Variants in GRM7 observed in about 807,000 individuals in gnomAD.
The protein encoded by GRM7 is metabotropic glutamate receptor 7.
GRM7 carries 35 observed loss-of-function variants against 84.5 expected under a neutral mutation model. That is an observed-to-expected ratio of 0.41 (90% CI 0.32 to 0.55). The LOEUF (loss-of-function observed/expected upper bound fraction) is 0.55, where lower values mean the gene tolerates loss of function less well. Ranked by LOEUF, GRM7 falls within the 20% of genes least tolerant of loss-of-function variation. The probability of loss-of-function intolerance (pLI) is 0.19; values close to 1 mark genes in which losing one functional copy is unlikely to be tolerated. For missense variants in GRM7, 1,003 were observed against 1,194.6 expected (o/e 0.84, Z 2.36); for synonymous variants, 487 against 455.1 (o/e 1.07, Z -0.89).
chr3:7,186,976 T>TG (rs1695537701), intron 2 of GRM7, among the ~76,000 whole-genome samples: 2 of 152,234 alleles, frequency 1.3e-5, no homozygotes, highest in African/African-American at 4.8e-5. Context: ...CTCAGCTGTT[T>TG]GGGAGGCTGA....
At chr3:7,141,977 T>G (rs1264812296) in intron 1 of GRM7, among the ~76,000 whole-genome samples, 1 of 151,770 alleles carries the variant, frequency 6.6e-6, no homozygotes, top group African/African-American at 2.4e-5. Flanking sequence ...TTTTGTTACT[T>G]TGAGGTAGAG....
At chr3:7,568,228 A>G (rs1694418825) in intron 7 of GRM7, among the ~76,000 whole-genome samples, 1 of 151,748 alleles carries the variant, frequency 6.6e-6, no homozygotes, top group South Asian at 2.1e-4. Context: ...TACTCTCAAT[A>G]GTGCATCACA....
chr3:6,888,716 C>T (rs1695807043), intron 1 of GRM7, among the ~76,000 whole-genome samples: 1 of 152,066 alleles, frequency 6.6e-6, no homozygotes, highest in African/African-American at 2.4e-5. Context: ...GCGATGCGGG[C>T]TGTTTTTTGG....
chr3:7,448,441 GA>G (rs951332582), intron 5 of GRM7, among the ~76,000 whole-genome samples: 75 of 152,226 alleles, frequency 4.9e-4, no homozygotes, highest in African/African-American at 1.6e-3. Context: ...GACAAATCAG[GA>G]TTAACTCAGT....
Position 7,325,258 on chromosome 3 carries a change from G to A in GRM7, c.1033+18606G>A, listed in dbSNP as rs140564002. ...GGTGAGGGAGATGGTTACTTCCTTC[G>A]TTAGGTCTTGTTTTACCTAAAGGGA... On this transcript the variant is annotated intron_variant, in intron 4 of 9. Transcript: ENST00000357716. Among the ~76,000 whole-genome samples, 248 of 152,260 alleles carry A rather than the reference G, an allele frequency of 1.6e-3. 1 individual carries two copies. Among genetic ancestry groups the A allele is most frequent in the African/African-American group, 5.7e-3 (237 of 41,558 alleles).
intron 1 of GRM7, among the ~76,000 whole-genome samples, chr3:7,002,616 C>T (rs9865973): frequency 0.019 from 2,901 of 152,058 alleles, 72 homozygotes; most frequent in African/African-American, 0.066. Context: ...AGAGTTATAA[C>T]GCTACAGTAC....
At chr3:7,532,166 G>T (rs889594475) in intron 7 of GRM7, among the ~76,000 whole-genome samples, 2 of 151,954 alleles carry the variant, frequency 1.3e-5, no homozygotes, top group Admixed American at 6.6e-5. Flanking sequence ...CTCTTTTTCT[G>T]TTGTTTGGAA....
At chr3:7,682,437 T>A (rs747294651) in intron 9 of GRM7, 2 of 151,828 alleles carry the variant, frequency 1.3e-5, no homozygotes, top group Admixed American at 6.6e-5. Flanking sequence ...TAAACATATA[T>A]GTATATTTAT....
chr3:7,716,869 C>G (rs557342274), intron 9 of GRM7, among the ~76,000 whole-genome samples: 1 of 152,128 alleles, frequency 6.6e-6, no homozygotes, highest in Admixed American at 6.5e-5. Flanking sequence ...TTCTGGTTGA[C>G]CTGGGGTTAC....
chr3:7,430,165 G>T (rs940028769), intron 5 of GRM7, among the ~76,000 whole-genome samples: 1 of 152,194 alleles, frequency 6.6e-6, no homozygotes, highest in African/African-American at 2.4e-5. Flanking sequence ...CTACTTGGAA[G>T]TAGTTGTGAT....
chr3:7,042,878 T>A (rs1696679456), intron 1 of GRM7, among the ~76,000 whole-genome samples: 3 of 152,192 alleles, frequency 2.0e-5, no homozygotes. Flanking sequence ...CCTTGTTGAT[T>A]ACTGAAGATT....
intron 1 of GRM7, among the ~76,000 whole-genome samples, chr3:6,909,433 T>C (rs1047055431): frequency 6.6e-6 from 1 of 152,152 alleles, no homozygotes; most frequent in African/African-American, 2.4e-5. Flanking sequence ...AAGTTAAATC[T>C]TCCCCTATAA....
intron 2 of GRM7, among the ~76,000 whole-genome samples, chr3:7,227,344 A>G (rs1240468031): frequency 6.6e-6 from 1 of 152,216 alleles, no homozygotes; most frequent in Non-Finnish European, 1.5e-5. Context: ...TGTTTATTAG[A>G]GGTCTAGCAG....
intron 9 of GRM7, among the ~76,000 whole-genome samples, chr3:7,690,812 G>A (rs162782): frequency 0.92 from 139,345 of 152,262 alleles, 63,821 homozygotes; most frequent in Middle Eastern, 0.93. Context: ...TTTTCTGACT[G>A]TTGAGTGCAT....
intron 7 of GRM7, among the ~76,000 whole-genome samples, chr3:7,578,037 G>T (rs991986583): frequency 5.3e-5 from 8 of 152,136 alleles, no homozygotes; most frequent in Non-Finnish European, 1.2e-4. Context: ...TATTACCCGG[G>T]GGGAAGACAG....
chr3:7,605,221 AG>A (rs1048227989), intron 8 of GRM7, among the ~76,000 whole-genome samples: 2 of 152,180 alleles, frequency 1.3e-5, no homozygotes, highest in Non-Finnish European at 2.9e-5. Context: ...GAAGAGTCAC[AG>A]AAAAACAAAA....
intron 1 of GRM7, among the ~76,000 whole-genome samples, chr3:6,918,294 C>T (rs778114185): frequency 4.6e-5 from 7 of 152,174 alleles, no homozygotes; most frequent in Non-Finnish European, 1.0e-4. Flanking sequence ...TTCATTTTTA[C>T]ACGAGAATTT....
intron 2 of GRM7, among the ~76,000 whole-genome samples, chr3:7,276,191 T>TTA (rs58218001): frequency 2.3e-5 from 3 of 130,430 alleles, no homozygotes; most frequent in Non-Finnish European, 4.8e-5. Flanking sequence ...ATTTTTTAAA[T>TTA]TATATATATA....
chr3:7,116,489 A>G (rs185932356), intron 1 of GRM7, among the ~76,000 whole-genome samples: 22 of 152,264 alleles, frequency 1.4e-4, no homozygotes, highest in Middle Eastern at 3.4e-3. Flanking sequence ...CTGGGGCTTC[A>G]GTCCCTCACC....
Sources: allele counts gnomAD v4.1 joint callset (sites outside exome capture counted in the v4.1 genomes callset), GRCh38; gene constraint gnomAD v4.1.1; transcripts MANE v1.5; gene names NCBI Gene and HGNC (gene_info 2026-07-23, HGNC 2026-07-21).